PLA2G4D: variants seen among roughly 807,000 people sequenced by gnomAD.
PLA2G4D encodes phospholipase A2 group IVD.
PLA2G4D carries 80 observed loss-of-function variants against 94.4 expected under a neutral mutation model. That is an observed-to-expected ratio of 0.85 (90% CI 0.71 to 1.02). The LOEUF (loss-of-function observed/expected upper bound fraction) is 1.02, where lower values mean the gene tolerates loss of function less well. Among genes scored for constraint, PLA2G4D ranks in the 50% least tolerant of loss-of-function variants. PLA2G4D has a pLI of 0.00. For missense variants in PLA2G4D, 1,050 were observed against 1,034.7 expected, an observed-to-expected ratio of 1.01 and a Z score of -0.20; for synonymous variants, 438 against 440.9, an observed-to-expected ratio of 0.99 and a Z score of 0.08.
At position 42,083,315 on chromosome 15, in the gene PLA2G4D, CA is replaced by C. The variant is rs762227104; in HGVS notation, c.554del (p.Leu185ArgfsTer5). On this transcript the variant is annotated frameshift_variant, in exon 8 of 20. Coordinates refer to ENST00000290472, the MANE Select transcript of PLA2G4D (RefSeq NM_178034.4). LOFTEE classifies it high-confidence loss of function. ...CATAGGACCCCTTCAGCACCAGCTC[CA>C]GCTCCAGCTTGTCCTGATCTAGGGA... ...AVVADQDKLE[L>X]ELVLKGSYED... is the part of the protein sequence containing the mutation. 6.2e-7 allele frequency: 1 copy of C among 1,613,870 alleles called. No individual in the cohort carries two copies. The highest frequency in any genetic ancestry group is 8.5e-7 in the Non-Finnish European group (1 of 1,179,884).
chr15:42,079,801 A>G lies in PLA2G4D; in HGVS notation c.1095-42T>C, dbSNP rs750858244. 5.8e-6 allele frequency: 9 copies of G among 1,560,750 alleles called. No homozygotes were observed. The African/African-American group carries it at 1.3e-4, about 22-fold the overall frequency. On this transcript the variant is annotated intron_variant, in intron 12 of 19. Coordinates refer to ENST00000290472, the MANE Select transcript of PLA2G4D (RefSeq NM_178034.4). ...ACAGAACAGTAGGAGCCCGAGGCCCAGCATGGGGCGCTGCAACTCCTGCTT... is the reference window on the plus strand; with the variant it reads ...ACAGAACAGTAGGAGCCCGAGGCCCGGCATGGGGCGCTGCAACTCCTGCTT...
chr15:42,084,711 C>T lies in PLA2G4D; in HGVS notation c.471+385G>A, dbSNP rs996889525. On this transcript the variant is annotated intron_variant, in intron 6 of 19. Coordinates refer to ENST00000290472, the MANE Select transcript of PLA2G4D (RefSeq NM_178034.4). The surrounding 1 kb of genome is among the most constrained non-coding windows in gnomAD (Gnocchi z 4.8). ...CACCGCCCTGGGAACTCCCTCTGAG[C>T]CTCGGTGACCTCAACGTGAACAACC... is the stretch of plus-strand genomic sequence containing the variant. Among the ~76,000 whole-genome samples the T allele has an allele frequency of 3.9e-5, 6 of 152,182 alleles. No individual in the cohort carries two copies. In the South Asian group the frequency reaches 6.2e-4, roughly 16 times the overall value.
chr15:42,086,997 C>A (rs1890161987), intron 3 of PLA2G4D, among the ~76,000 whole-genome samples: 1 of 152,196 alleles, frequency 6.6e-6, no homozygotes. Flanking sequence ...GTCTTCCACG[C>A]ATTATCTCAT....
At chr15:42,087,070 C>T (rs370529950) in intron 3 of PLA2G4D, among the ~76,000 whole-genome samples, 1 of 152,124 alleles carries the variant, frequency 6.6e-6, no homozygotes, top group African/African-American at 2.4e-5. Context: ...AGCTGGGCTT[C>T]GAGAGGAACC....
intron 11 of PLA2G4D, 66 bp from the exon 12 acceptor site, chr15:42,081,199 G>C (rs2141098521): frequency 6.4e-7 from 1 of 1,574,326 alleles, no homozygotes; most frequent in South Asian, 1.2e-5. Flanking sequence ...TCTCACCCAG[G>C]GCCCTGCCCC....
At position 42,070,784 on chromosome 15, in the gene PLA2G4D, A is replaced by G. The variant is rs1390567448; in HGVS notation, c.1976T>C (p.Met659Thr). The change falls in exon 18 of 20, where the codon ATG (methionine) becomes ACG (threonine). Residue 659 changes from methionine (M) to threonine (T), a missense_variant. Met to Thr is a moderately conservative substitution (Grantham distance 81, BLOSUM62 -1). Transcript: ENST00000290472. ...GTCCAGCCTGCGGCCTGGCCGGAAC[A>G]TGGAGGGAGAGCTGGTGTTGATGAA... ...AYFINTSSPS[M>T]FRPGRRLDLI... 2.5e-6 allele frequency: 4 copies of G among 1,602,434 alleles called. No homozygotes were observed. The highest frequency in any genetic ancestry group is 3.4e-6 in the Non-Finnish European group (4 of 1,174,226).
Position 42,070,849 on chromosome 15 carries a change from G to C in PLA2G4D, c.1911C>G (p.Thr637=). The C allele has an allele frequency of 6.2e-7, 1 of 1,612,026 alleles. No individual in the cohort carries two copies. Among genetic ancestry groups the C allele is most frequent in the Non-Finnish European group, 8.5e-7 (1 of 1,179,198 alleles). The change falls in exon 18 of 20, where the codon ACC becomes ACG. Residue 637 remains threonine, a synonymous_variant. Transcript: ENST00000290472. ...YQLDSMPSQL[T]PKEPRLCLVD... ...CCAGGCAGAGCCGGGGCTCCTTGGGGGTCAGCTGGCTGGGCATGGAGTCAA... is the reference window on the plus strand; with the variant it reads ...CCAGGCAGAGCCGGGGCTCCTTGGGCGTCAGCTGGCTGGGCATGGAGTCAA...
chr15:42,078,010 C>T (rs1397260659), intron 13 of PLA2G4D, among the ~76,000 whole-genome samples: 3 of 152,220 alleles, frequency 2.0e-5, no homozygotes, highest in Non-Finnish European at 2.9e-5. Flanking sequence ...CTGGAAGTTA[C>T]GACCTTTTTC....
chr15:42,071,007 C>T (rs755981376), intron 17 of PLA2G4D, 116 bp downstream of exon 17: 20 of 1,518,566 alleles, frequency 1.3e-5, no homozygotes, highest in Admixed American at 1.0e-4. Context: ...CCAAGGGGAT[C>T]GTCTCCAGGC....
intron 8 of PLA2G4D, 24 bp from the exon 9 acceptor site, chr15:42,082,413 C>G (rs79419176): frequency 0.1 from 158,475 of 1,552,296 alleles, 9,138 homozygotes; most frequent in Non-Finnish European, 0.12. Context: ...ATCATTCATT[C>G]ATTCATTCAT....
rs1293680152 is a variant in PLA2G4D at position 42,068,608 on chromosome 15, G to A, written c.*107C>T. The A allele has an allele frequency of 2.3e-5, 25 of 1,086,092 alleles. No homozygotes were observed. Among genetic ancestry groups the A allele is most frequent in the Admixed American group, 1.7e-4 (7 of 40,360 alleles). 67.3% of individuals were successfully genotyped at this position (1,086,092 alleles called of 1,614,324 possible). A position where few individuals can be genotyped will look rare whatever the true frequency, so the allele number is the denominator to read the frequency against. On this transcript the variant is annotated 3_prime_UTR_variant, in exon 20 of 20. Transcript: ENST00000290472. ...TGAGACCAGCTACAGAGGCCACCCA[G>A]GCCTGGGAGAGCCCAGAACTCCAAC...
At chr15:42,081,426 C>T in intron 11 of PLA2G4D, 53 bp downstream of exon 11, 1 of 1,583,078 alleles carries the variant, frequency 6.3e-7, no homozygotes. Context: ...ATCAGGTACT[C>T]CCTTATGGCC....
Position 42,092,543 on chromosome 15 carries a change from C to T in PLA2G4D, c.45+1872G>A, listed in dbSNP as rs2899035. Among the ~76,000 whole-genome samples, 352 of 152,296 alleles carry T rather than the reference C, an allele frequency of 2.3e-3. 2 individuals carry two copies. The South Asian group carries it at 0.024, about 11-fold the overall frequency. ...ATCTTTTCCCCTGAGGGCATAGGGG[C>T]GTCACATTCCCTTCTGAAAGCTCCT... On this transcript the variant is annotated intron_variant, in intron 1 of 19. Coordinates refer to ENST00000290472, the MANE Select transcript of PLA2G4D (RefSeq NM_178034.4).
At chr15:42,091,103 G>A (rs979752011) in intron 1 of PLA2G4D, among the ~76,000 whole-genome samples, 2 of 152,044 alleles carry the variant, frequency 1.3e-5, no homozygotes, top group African/African-American at 2.4e-5. Flanking sequence ...ATTTTCTCTC[G>A]TGTCTTTCTG....
Position 42,087,639 on chromosome 15 carries a change from C to G in PLA2G4D, c.107G>C (p.Trp36Ser). The G allele has an allele frequency of 6.2e-7, 1 of 1,614,150 alleles. No homozygotes were observed. Among genetic ancestry groups the G allele is most frequent in the South Asian group, 1.1e-5 (1 of 91,084 alleles). ...GGGCGGTTACTCACACAGGTCAGCC[C>G]AGCGCAGGTTCCGCGCCTCCAGGAC... ...VRVLEARNLRWADLLSEADPY... is the reference protein window; with the variant it reads ...VRVLEARNLRSADLLSEADPY... The change falls in exon 2 of 20, where the codon TGG (tryptophan) becomes TCG (serine). Residue 36 changes from tryptophan to serine, a missense_variant. Physicochemically the swap from Trp to Ser is radical, Grantham distance 177. Transcript: ENST00000290472.
At chr15:42,081,662 G>A in intron 10 of PLA2G4D, 48 bp from the exon 11 acceptor site, 2 of 1,610,476 alleles carry the variant, frequency 1.2e-6, no homozygotes, top group Non-Finnish European at 1.7e-6. Context: ...GCATAGCTCA[G>A]CCACTGGCTG....
chr15:42,070,852 C>G lies in PLA2G4D; in HGVS notation c.1908G>C (p.Leu636=). The G allele has an allele frequency of 6.2e-7, 1 of 1,611,946 alleles. No individual in the cohort carries two copies. Among genetic ancestry groups the G allele is most frequent in the Non-Finnish European group, 8.5e-7 (1 of 1,179,168 alleles). ...DYQLDSMPSQ[L]TPKEPRLCLV... ...GGCAGAGCCGGGGCTCCTTGGGGGT[C>G]AGCTGGCTGGGCATGGAGTCAAGCT... Residue 636 remains leucine (L), a synonymous_variant, in exon 18 of 20, where the codon CTG becomes CTC. Transcript: ENST00000290472.
At chr15:42,083,878 A>G in intron 6 of PLA2G4D, 99 bp from the exon 7 acceptor site, 4 of 1,182,092 alleles carry the variant, frequency 3.4e-6, no homozygotes, top group Non-Finnish European at 5.0e-6. Context: ...TCCACCACAC[A>G]CACAAGGAGT....
intron 14 of PLA2G4D, 137 bp from the exon 15 acceptor site, chr15:42,072,048 G>A (rs1889835116): frequency 5.7e-6 from 7 of 1,236,620 alleles, no homozygotes; most frequent in Non-Finnish European, 7.9e-6. Flanking sequence ...CAGATGTGAG[G>A]AATGGGCAGT....
Sources: allele counts gnomAD v4.1 joint callset (sites outside exome capture counted in the v4.1 genomes callset), GRCh38; gene constraint gnomAD v4.1.1; non-coding constraint Gnocchi (gnomAD v3.1); transcripts MANE v1.5; gene names NCBI Gene and HGNC (gene_info 2026-07-23, HGNC 2026-07-21).